ZSWIM5: variants seen among roughly 807,000 people sequenced by gnomAD.
ZSWIM5 encodes the protein zinc finger SWIM domain-containing protein 5.
ZSWIM5 carries 55 observed loss-of-function variants against 119.6 expected under a neutral mutation model. The ratio of observed to expected loss-of-function variants is 0.46; its 90% CI spans 0.37 to 0.58. The LOEUF (loss-of-function observed/expected upper bound fraction) is 0.58, where lower values mean the gene tolerates loss of function less well. Among genes scored for constraint, ZSWIM5 ranks in the 20% least tolerant of loss-of-function variants. ZSWIM5 has a pLI of 0.00. For missense variants in ZSWIM5, 1,193 were observed against 1,512.8 expected, an observed-to-expected ratio of 0.79 and a Z score of 3.51; for synonymous variants, 537 against 606.9, an observed-to-expected ratio of 0.88 and a Z score of 1.69.
chr1:45,108,399 T>C (rs1485078388), intron 1 of ZSWIM5, among the ~76,000 whole-genome samples: 3 of 152,196 alleles, frequency 2.0e-5, no homozygotes, highest in South Asian at 2.1e-4. Context: ...GAAGAGGACA[T>C]AGGTAGCTAT....
intron 1 of ZSWIM5, among the ~76,000 whole-genome samples, chr1:45,197,633 A>C (rs957819615): frequency 6.6e-6 from 1 of 152,220 alleles, no homozygotes; most frequent in African/African-American, 2.4e-5. Context: ...CTTTATGTGA[A>C]CATATGAGGG....
In ZSWIM5 at chr1:45,176,349, C is replaced by T. The variant is rs181051840; in HGVS notation, c.595+29407G>A. On this transcript the variant is annotated intron_variant, in intron 1 of 13. Coordinates refer to ENST00000359600, the MANE Select transcript of ZSWIM5 (RefSeq NM_020883.2). ...CACAATCTTGGCTCACTGCCACCCC[C>T]ACCTCCTGGGTTCAAGCGATTCTCC... 1.7e-3 allele frequency among the ~76,000 whole-genome samples: 260 copies of T among 152,046 alleles called. 1 individual carries two copies. The highest frequency in any genetic ancestry group is 5.9e-3 in the African/African-American group (246 of 41,510).
intron 1 of ZSWIM5, among the ~76,000 whole-genome samples, chr1:45,096,434 T>TTGTGTGTGTGTGTGTG (rs112308838): frequency 1.4e-5 from 2 of 144,344 alleles, no homozygotes; most frequent in Non-Finnish European, 3.1e-5. Context: ...AGATAACTGT[T>TTGTGTGTGTGTGTGTG]TGTGTGTGTG....
intron 5 of ZSWIM5, among the ~76,000 whole-genome samples, chr1:45,044,808 T>A (rs1051544550): frequency 1.0e-4 from 1 of 9,660 alleles, no homozygotes; most frequent in Non-Finnish European, 1.7e-4. Flanking sequence ...TATATAAATA[T>A]ATATATATAT....
At chr1:45,053,762 C>CAA (rs10675427) in intron 4 of ZSWIM5, among the ~76,000 whole-genome samples, 63,946 of 91,940 alleles carry the variant, frequency 0.7, 23,325 homozygotes, top group Middle Eastern at 0.9. Flanking sequence ...GACTCTGTTT[C>CAA]AAAAAAAAAA....
At chr1:45,141,448 C>A (rs1645726684) in intron 1 of ZSWIM5, among the ~76,000 whole-genome samples, 1 of 152,094 alleles carries the variant, frequency 6.6e-6, no homozygotes, top group South Asian at 2.1e-4. Context: ...CTGGCCCCAG[C>A]CCAAGTAGAG....
intron 1 of ZSWIM5, among the ~76,000 whole-genome samples, chr1:45,180,844 C>A (rs1646013283): frequency 6.6e-6 from 1 of 152,112 alleles, no homozygotes; most frequent in African/African-American, 2.4e-5. Flanking sequence ...GGACCTCTAG[C>A]AAACTCCAAC....
At chr1:45,043,873 T>C (rs1034107772) in intron 5 of ZSWIM5, among the ~76,000 whole-genome samples, 1 of 152,132 alleles carries the variant, frequency 6.6e-6, no homozygotes, top group African/African-American at 2.4e-5. Context: ...AGGACTTTCA[T>C]GAAATTCATA....
At chr1:45,051,337 G>A in intron 4 of ZSWIM5, 84 bp from the exon 5 acceptor site, 14 of 1,329,974 alleles carry the variant, frequency 1.1e-5, no homozygotes, top group South Asian at 4.9e-5. Context: ...ATTTTTAGAT[G>A]GTAGAGAAAG....
Position 45,206,002 on chromosome 1 carries a change from A to T in ZSWIM5, c.349T>A (p.Tyr117Asn). 1 of 1,566,738 alleles carries T rather than the reference A, an allele frequency of 6.4e-7. No homozygotes were observed. Among genetic ancestry groups the T allele is most frequent in the South Asian group, 1.1e-5 (1 of 87,020 alleles). The change falls in exon 1 of 14, where the codon TAC (tyrosine) becomes AAC (asparagine). Residue 117 changes from tyrosine to asparagine, a missense_variant. Coordinates refer to ENST00000359600, the MANE Select transcript of ZSWIM5 (RefSeq NM_020883.2). Reference protein sequence around the residue: ...REICMYSSFQYRGGPGAGAAG... With the variant: ...REICMYSSFQNRGGPGAGAAG... ...GCGCCGGCGCCGGGGCCGCCCCGGT[A>T]CTGGAAGCTGGAGTACATGCAGATC...
intron 2 of ZSWIM5, among the ~76,000 whole-genome samples, chr1:45,081,898 G>A (rs1645294380): frequency 6.6e-6 from 1 of 152,062 alleles, no homozygotes; most frequent in African/African-American, 2.4e-5. Flanking sequence ...GGGGAAAGGT[G>A]GGGAAAAGAT....
At chr1:45,196,459 C>T (rs368261986) in intron 1 of ZSWIM5, among the ~76,000 whole-genome samples, 20 of 124,928 alleles carry the variant, frequency 1.6e-4, no homozygotes, top group African/African-American at 5.7e-4. Flanking sequence ...GGCACGATAT[C>T]GGCTCACTGC....
In ZSWIM5 at chr1:45,166,287, T is replaced by A. The variant is rs531630788; in HGVS notation, c.595+39469A>T. The stretch of plus-strand genomic sequence containing the variant: ...CAACAGCCCTTCATGCTAAAAACTC[T>A]CAATAAACTAGGTATTGATGGGATG... On this transcript the variant is annotated intron_variant, in intron 1 of 13. Coordinates refer to ENST00000359600, the MANE Select transcript of ZSWIM5 (RefSeq NM_020883.2). 3.3e-5 allele frequency among the ~76,000 whole-genome samples: 5 copies of A among 152,170 alleles called. No individual in the cohort carries two copies. In the East Asian group the frequency reaches 9.6e-4, roughly 29 times the overall value.
At chr1:45,141,335 T>C (rs759792187) in intron 1 of ZSWIM5, among the ~76,000 whole-genome samples, 3 of 152,194 alleles carry the variant, frequency 2.0e-5, no homozygotes, top group Non-Finnish European at 4.4e-5. Flanking sequence ...AAGTTTCTGG[T>C]GAGAGAACAG....
chr1:45,074,503 A>C (rs999191425), intron 2 of ZSWIM5, among the ~76,000 whole-genome samples: 7 of 151,906 alleles, frequency 4.6e-5, no homozygotes, highest in Non-Finnish European at 1.0e-4. Context: ...TTTCTGATTT[A>C]CTGGCATATA....
Position 45,017,379 on chromosome 1 carries a change from TGAG to T in ZSWIM5, c.*1072_*1074del, listed in dbSNP as rs1557736808. On this transcript the variant is annotated 3_prime_UTR_variant, in exon 14 of 14. Transcript: ENST00000359600. Reference sequence around the variant, plus strand: ...TACACATACTAAACATGCACAAACATGAGTGCATTTGCACAAAGATGTGCATCC... The same window carrying T: ...TACACATACTAAACATGCACAAACATTGCATTTGCACAAAGATGTGCATCC... 1 of 152,128 alleles carries T rather than the reference TGAG, an allele frequency of 6.6e-6. No homozygotes were observed. The highest frequency in any genetic ancestry group is 2.4e-5 in the African/African-American group (1 of 41,420). The allele number at this position is 152,128 out of a possible 1,614,324, so 9.4% of individuals were successfully genotyped here.
chr1:45,051,910 T>A (rs1645091306), intron 4 of ZSWIM5, among the ~76,000 whole-genome samples: 1 of 152,194 alleles, frequency 6.6e-6, no homozygotes, highest in South Asian at 2.1e-4. Flanking sequence ...AGAATCTTGG[T>A]ATTTGCTTAT....
intron 6 of ZSWIM5, 124 bp from the exon 7 acceptor site, chr1:45,040,662 C>T: frequency 1.4e-6 from 1 of 728,516 alleles, no homozygotes; most frequent in Non-Finnish European, 2.1e-6. Flanking sequence ...TACTGTATAC[C>T]AGGAACTGTG....
At chr1:45,175,957 A>T (rs1487571115) in intron 1 of ZSWIM5, among the ~76,000 whole-genome samples, 2 of 151,784 alleles carry the variant, frequency 1.3e-5, no homozygotes, top group Admixed American at 6.6e-5. Context: ...GCACAAGAAC[A>T]TGTTCAAGGC....
Sources: allele counts gnomAD v4.1 joint callset (sites outside exome capture counted in the v4.1 genomes callset), GRCh38; gene constraint gnomAD v4.1.1; transcripts MANE v1.5; gene names NCBI Gene and HGNC (gene_info 2026-07-23, HGNC 2026-07-21).